The following FILIP1L variants were observed in gnomAD, a reference collection of about 807,000 sequenced individuals.
FILIP1L encodes the protein filamin A-interacting protein 1-like.
In FILIP1L, 55 loss-of-function variants were observed where a neutral mutation model predicts 96.6. The ratio of observed to expected loss-of-function variants is 0.57; its 90% CI spans 0.46 to 0.71. The LOEUF (loss-of-function observed/expected upper bound fraction) is 0.71. Ranked by LOEUF, FILIP1L falls within the 30% of genes least tolerant of loss-of-function variation. The probability of loss-of-function intolerance (pLI) is 0.00; values close to 1 mark genes in which losing one functional copy is unlikely to be tolerated. For missense variants in FILIP1L, 1,304 were observed against 1,321.2 expected, an observed-to-expected ratio of 0.99 and a Z score of 0.20; for synonymous variants, 467 against 473.9, an observed-to-expected ratio of 0.99 and a Z score of 0.19.
intron 4 of FILIP1L, among the ~76,000 whole-genome samples, chr3:99,882,846 T>G (rs953624666): frequency 6.6e-6 from 1 of 152,244 alleles, no homozygotes; most frequent in African/African-American, 2.4e-5. Context: ...TTAGAAATGT[T>G]TTCTTTTGTT....
At chr3:99,971,120 T>G (rs112676473) in intron 1 of FILIP1L, among the ~76,000 whole-genome samples, 324 of 152,022 alleles carry the variant, frequency 2.1e-3, no homozygotes, top group African/African-American at 6.7e-3. Context: ...GGCGGATCAC[T>G]AGGTCAGGAG....
chr3:100,037,957 G>GGT lies in FILIP1L; in HGVS notation c.-11+76095_-11+76096insAC, dbSNP rs2065137134. On this transcript the variant is annotated intron_variant, in intron 1 of 5. Coordinates refer to ENST00000477258, the MANE Select transcript of FILIP1L (RefSeq NM_001387850.1). The stretch of plus-strand genomic sequence containing the variant: ...CGCTTTTCTTTTTTTTTTTTTTTTT[G>GGT]GGGGGGGAGGGAACAGAGTCTCAAA... Among the ~76,000 whole-genome samples the GGT allele has an allele frequency of 3.8e-4, 4 of 10,646 alleles. No homozygotes were observed. In the Admixed American group the frequency reaches 4.1e-3, roughly 11 times the overall value. The allele number at this position is 10,646 out of a possible 152,430, so 7.0% of individuals were successfully genotyped here. A position where few individuals can be genotyped will look rare whatever the true frequency, so the allele number is the denominator to read the frequency against.
At chr3:99,866,021 A>G (rs368844608) in intron 4 of FILIP1L, among the ~76,000 whole-genome samples, 21 of 152,040 alleles carry the variant, frequency 1.4e-4, no homozygotes, top group African/African-American at 5.1e-4. Flanking sequence ...ATTTTGGAGG[A>G]TTTAATATGA....
chr3:99,869,314 T>G (rs373866995), intron 4 of FILIP1L, among the ~76,000 whole-genome samples: 287 of 152,332 alleles, frequency 1.9e-3, no homozygotes, highest in Non-Finnish European at 2.8e-3. Flanking sequence ...AAAAGAATTT[T>G]ATGGGGCAGA....
chr3:99,997,747 A>G (rs1284668066), intron 1 of FILIP1L, among the ~76,000 whole-genome samples: 3 of 152,262 alleles, frequency 2.0e-5, no homozygotes, highest in Non-Finnish European at 4.4e-5. Flanking sequence ...ATGAAAATAA[A>G]GAATATTTAT....
At chr3:99,938,118 A>C (rs1707747521) in intron 1 of FILIP1L, among the ~76,000 whole-genome samples, 1 of 151,866 alleles carries the variant, frequency 6.6e-6, no homozygotes, top group Non-Finnish European at 1.5e-5. Context: ...CTGGGTGGGG[A>C]AGAAATGTTA....
Position 99,983,389 on chromosome 3 carries a change from A to AATATGTATATATATAT in FILIP1L, c.-10-52360_-10-52359insATATATATATACATAT, listed in dbSNP as rs1553702701. On this transcript the variant is annotated intron_variant, in intron 1 of 5. Coordinates refer to ENST00000477258, the MANE Select transcript of FILIP1L (RefSeq NM_001387850.1). ...TCTCTACTTAAAAAATAAATAAATA[A>AATATGTATATATATAT]ATATATATATATATATATATATATA... Among the ~76,000 whole-genome samples the AATATGTATATATATAT allele has an allele frequency of 2.5e-3, 102 of 40,736 alleles. 10 individuals carry two copies. Among genetic ancestry groups the AATATGTATATATATAT allele is most frequent in the Non-Finnish European group, 3.4e-3 (76 of 22,244 alleles). The allele number at this position is 40,736 out of a possible 152,430, so 26.7% of individuals were successfully genotyped here.
chr3:99,929,773 CAA>C, intron 3 of FILIP1L, 81 bp downstream of exon 3: 2 of 998,972 alleles, frequency 2.0e-6, no homozygotes, highest in Non-Finnish European at 2.9e-6. Context: ...TGTAAGGAAT[CAA>C]AGAGGAGTTA....
At chr3:99,956,509 C>T (rs1257514317) in intron 1 of FILIP1L, among the ~76,000 whole-genome samples, 1 of 152,162 alleles carries the variant, frequency 6.6e-6, no homozygotes, top group African/African-American at 2.4e-5. Flanking sequence ...CCCACTACCA[C>T]ACTCGGCTAA....
chr3:100,011,577 G>A (rs981699415), intron 1 of FILIP1L: 1 of 152,134 alleles, frequency 6.6e-6, no homozygotes, highest in Non-Finnish European at 1.5e-5. Flanking sequence ...TGGAATATTA[G>A]CACTTATTGT....
At chr3:100,062,072 T>C (rs1447175307) in intron 1 of FILIP1L, among the ~76,000 whole-genome samples, 1 of 146,326 alleles carries the variant, frequency 6.8e-6, no homozygotes, top group Non-Finnish European at 1.5e-5. Context: ...AAATATCCAC[T>C]TGTGGTTATC....
intron 1 of FILIP1L, among the ~76,000 whole-genome samples, chr3:99,991,896 GTA>G (rs1217251406): frequency 2.1e-4 from 31 of 147,646 alleles, no homozygotes; most frequent in African/African-American, 7.5e-4. Flanking sequence ...ATATATGTGT[GTA>G]TATATATACA....
intron 1 of FILIP1L, among the ~76,000 whole-genome samples, chr3:100,032,251 G>C (rs77447565): frequency 0.012 from 1,839 of 152,310 alleles, 24 homozygotes; most frequent in African/African-American, 0.027. Flanking sequence ...AGATGGATGC[G>C]TTGGCCCTTG....
chr3:99,989,434 C>T (rs1709447287), intron 1 of FILIP1L, among the ~76,000 whole-genome samples: 1 of 152,176 alleles, frequency 6.6e-6, no homozygotes, highest in Admixed American at 6.5e-5. Context: ...CTGTGTCCCC[C>T]ACATTTTCTG....
At chr3:99,856,175 T>C (rs1436426653) in intron 4 of FILIP1L, among the ~76,000 whole-genome samples, 2 of 152,230 alleles carry the variant, frequency 1.3e-5, no homozygotes, top group African/African-American at 4.8e-5. Flanking sequence ...AGGCTTTCTA[T>C]AGTTGTACCT....
rs558611247 is a variant in FILIP1L at position 100,043,030 on chromosome 3, T to G, written c.-11+71023A>C. On this transcript the variant is annotated intron_variant, in intron 1 of 5. Transcript: ENST00000477258. The stretch of plus-strand genomic sequence containing the variant: ...AACATAGCCTGTGCTGGTCACAGCC[T>G]TCTTTGCTCATCTCTCTTTACCTCA... 2.6e-5 allele frequency among the ~76,000 whole-genome samples: 4 copies of G among 152,380 alleles called. No individual in the cohort carries two copies. The South Asian group carries it at 8.3e-4, about 32-fold the overall frequency.
At chr3:99,934,254 G>T (rs965949371) in intron 1 of FILIP1L, among the ~76,000 whole-genome samples, 2 of 152,140 alleles carry the variant, frequency 1.3e-5, no homozygotes, top group Non-Finnish European at 2.9e-5. Context: ...AAGATACAAG[G>T]CCACATTGCA....
At chr3:99,911,245 A>G (rs1489431840) in intron 4 of FILIP1L, among the ~76,000 whole-genome samples, 1 of 151,466 alleles carries the variant, frequency 6.6e-6, no homozygotes, top group Non-Finnish European at 1.5e-5. Context: ...ACAATAATGG[A>G]TAATGTGAAA....
rs1942602673 is a variant in FILIP1L at position 99,829,418 on chromosome 3, G to C, written c.*996C>G. Among the ~76,000 whole-genome samples the C allele has an allele frequency of 6.6e-6, 1 of 152,210 alleles. No homozygotes were observed. The highest frequency in any genetic ancestry group is 1.5e-5 in the Non-Finnish European group (1 of 68,038). On this transcript the variant is annotated 3_prime_UTR_variant, in exon 6 of 6. Coordinates refer to ENST00000477258, the MANE Select transcript of FILIP1L (RefSeq NM_001387850.1). ...TGCTTTAGCTTTCTGCCAGGGGACTGTGTCTACCCTTATAGATGACTGTTT... is the reference window on the plus strand; with the variant it reads ...TGCTTTAGCTTTCTGCCAGGGGACTCTGTCTACCCTTATAGATGACTGTTT...
Sources: gnomAD v4.1 joint callset for allele counts (sites outside exome capture counted in the v4.1 genomes callset) on GRCh38, gnomAD v4.1.1 for gene constraint, MANE v1.5 for transcripts, NCBI Gene and HGNC (gene_info 2026-07-23, HGNC 2026-07-21) for gene names.